TFB1M: variants seen among roughly 807,000 people sequenced by gnomAD.
TFB1M encodes transcription factor B1, mitochondrial.
TFB1M carries 27 observed loss-of-function variants against 31.1 expected under a neutral mutation model. The ratio of observed to expected loss-of-function variants is 0.87; its 90% CI spans 0.64 to 1.20. The LOEUF (loss-of-function observed/expected upper bound fraction) is 1.20. Ranked by LOEUF, TFB1M falls within the 50% of genes most tolerant of loss-of-function variation. TFB1M has a pLI of 0.00. For synonymous variants in TFB1M, 166 were observed against 151.8 expected (o/e 1.09, Z -0.69); for missense variants, 394 against 418.7 (o/e 0.94, Z 0.51).
intron 1 of TFB1M, among the ~76,000 whole-genome samples, chr6:155,312,223 G>T (rs138278681): frequency 6.6e-6 from 1 of 152,094 alleles, no homozygotes; most frequent in Non-Finnish European, 1.5e-5. Context: ...ACATAACTTT[G>T]TCAGCTAAAA....
chr6:155,299,999 C>G (rs955614779), intron 2 of TFB1M, among the ~76,000 whole-genome samples: 2 of 152,192 alleles, frequency 1.3e-5, no homozygotes, highest in Non-Finnish European at 2.9e-5. Context: ...CCTGTAGCTA[C>G]AGCAATGCAT....
chr6:155,251,312 G>A (rs906540083), downstream of TFB1M, among the ~76,000 whole-genome samples: 1 of 152,108 alleles, frequency 6.6e-6, no homozygotes, highest in Non-Finnish European at 1.5e-5. Context: ...CTGAGACGAG[G>A]TTTTGCTCTT....
At chr6:155,284,360 A>T (rs546151158) in intron 5 of TFB1M, among the ~76,000 whole-genome samples, 1 of 152,300 alleles carries the variant, frequency 6.6e-6, no homozygotes, top group Non-Finnish European at 1.5e-5. Context: ...GCAAGACCTT[A>T]TATTTGAGAG....
chr6:155,280,396 C>T (rs1416684604), intron 5 of TFB1M, among the ~76,000 whole-genome samples: 2 of 152,184 alleles, frequency 1.3e-5, no homozygotes, highest in African/African-American at 2.4e-5. Flanking sequence ...ATAAGCTGGT[C>T]CCTTGCCTCA....
intron 5 of TFB1M, among the ~76,000 whole-genome samples, chr6:155,280,494 T>C (rs1356466215): frequency 6.6e-6 from 1 of 152,190 alleles, no homozygotes; most frequent in Non-Finnish European, 1.5e-5. Flanking sequence ...GGAGGAACAA[T>C]ATGTTTACTT....
chr6:155,239,852 G>A, the TFB1M span, among the ~76,000 whole-genome samples: 1 of 152,210 alleles, frequency 6.6e-6, no homozygotes, highest in East Asian at 1.9e-4. Context: ...TGTGTCCTCT[G>A]CTCCCTGCCT....
At chr6:155,286,465 C>A (rs186402240) in intron 4 of TFB1M, among the ~76,000 whole-genome samples, 1 of 146,594 alleles carries the variant, frequency 6.8e-6, no homozygotes, top group Non-Finnish European at 1.5e-5. Context: ...GCTTTGGGGA[C>A]AAAATATATA....
chr6:155,256,739 A>G lies in TFB1M; in HGVS notation c.*1097T>C, dbSNP rs1422485817. 1.2e-6 allele frequency: 2 copies of G among 1,614,076 alleles called. No individual in the cohort carries two copies. Among genetic ancestry groups the G allele is most frequent in the African/African-American group, 1.3e-5 (1 of 74,920 alleles). ...ATCCTGAGCGATGAAGATGATGACC[A>G]CCGTCAGACTGTGAAGCAGGGCAGC... On this transcript the variant is annotated 3_prime_UTR_variant, in exon 7 of 7. Transcript: ENST00000367166.
the TFB1M span, among the ~76,000 whole-genome samples, chr6:155,238,863 T>C: frequency 7.2e-5 from 11 of 152,336 alleles, no homozygotes; most frequent in African/African-American, 1.9e-4. Flanking sequence ...AGGCCCTCAA[T>C]TGATGACCAC....
Position 155,257,443 on chromosome 6 carries a change from A to T in TFB1M, c.*393T>A. 1 of 341,714 alleles carries T rather than the reference A, an allele frequency of 2.9e-6. No homozygotes were observed. Among genetic ancestry groups the T allele is most frequent in the Non-Finnish European group, 5.3e-6 (1 of 188,550 alleles). The allele number at this position is 341,714 out of a possible 1,614,324, so 21.2% of individuals were successfully genotyped here. A position where few individuals can be genotyped will look rare whatever the true frequency, so the allele number is the denominator to read the frequency against. On this transcript the variant is annotated 3_prime_UTR_variant, in exon 7 of 7. Transcript: ENST00000367166. ...TAAGGCTGGGGAAGTCGTGATTAATAGTTTTCAAAGGGCCATTTTTTAAAA... is the reference window on the plus strand; with the variant it reads ...TAAGGCTGGGGAAGTCGTGATTAATTGTTTTCAAAGGGCCATTTTTTAAAA...
rs57405392 is a variant in TFB1M, at chr6:155,256,603, A to T, written c.*1233T>A. On this transcript the variant is annotated 3_prime_UTR_variant, in exon 7 of 7. Transcript: ENST00000367166. ...CAGCTTGAGCAGCGGCACCCAGAGC[A>T]GCGGCTGCCCCACGGCTGAGGGCAG... The T allele has an allele frequency of 5.0e-6, 8 of 1,614,188 alleles. No homozygotes were observed. The East Asian group carries it at 1.8e-4, about 36-fold the overall frequency.
chr6:155,276,493 T>C (rs1176387237), intron 5 of TFB1M: 10 of 960,394 alleles, frequency 1.0e-5, no homozygotes, highest in Non-Finnish European at 1.5e-5. Flanking sequence ...GAATGTAAAA[T>C]ACTTTAACAA....
At chr6:155,299,477 TA>T (rs1306621050) in intron 2 of TFB1M, 1 of 152,146 alleles carries the variant, frequency 6.6e-6, no homozygotes, top group Non-Finnish European at 1.5e-5. Context: ...AGTTAAATAT[TA>T]AAAAAGTCTC....
the TFB1M span, among the ~76,000 whole-genome samples, chr6:155,246,995 A>T: frequency 1.3e-4 from 20 of 152,338 alleles, no homozygotes; most frequent in East Asian, 3.7e-3. Flanking sequence ...CTGGATTCCT[A>T]CACACACCCT....
downstream of TFB1M, chr6:155,251,995 A>T: frequency 6.2e-7 from 1 of 1,605,592 alleles, no homozygotes; most frequent in African/African-American, 1.3e-5. Flanking sequence ...CAAACTGAAA[A>T]AGAAATTGGT....
At chr6:155,253,176 T>G, downstream of TFB1M, 1 of 795,042 alleles carries the variant, frequency 1.3e-6, no homozygotes, top group Non-Finnish European at 2.0e-6. Flanking sequence ...ACAAGGAAAA[T>G]GAGGACAAGA....
chr6:155,272,997 A>G (rs1193671824), intron 5 of TFB1M, among the ~76,000 whole-genome samples: 1 of 152,212 alleles, frequency 6.6e-6, no homozygotes, highest in African/African-American at 2.4e-5. Context: ...AGGGAGAGAG[A>G]AAAGTGAGCA....
the TFB1M span, among the ~76,000 whole-genome samples, chr6:155,238,603 G>A: frequency 1.3e-5 from 2 of 152,148 alleles, no homozygotes; most frequent in Non-Finnish European, 2.9e-5. Flanking sequence ...CTGCACCTTT[G>A]GCACATTCTC....
intron 5 of TFB1M, among the ~76,000 whole-genome samples, chr6:155,281,503 C>T (rs1472519183): frequency 6.6e-6 from 1 of 152,138 alleles, no homozygotes; most frequent in African/African-American, 2.4e-5. Context: ...GGATGGATCA[C>T]CTGAGGCCAG....
Sources: allele counts gnomAD v4.1 joint callset (sites outside exome capture counted in the v4.1 genomes callset), GRCh38; gene constraint gnomAD v4.1.1; transcripts MANE v1.5; gene names NCBI Gene and HGNC (gene_info 2026-07-23, HGNC 2026-07-21).